ARHGEF9: variants seen among roughly 807,000 people sequenced by gnomAD.
The protein encoded by ARHGEF9 is rho guanine nucleotide exchange factor 9.
Under a neutral mutation model 41.3 loss-of-function variants are expected in ARHGEF9, and 2 were observed. That is an observed-to-expected ratio of 0.05 (90% CI 0.02 to 0.15). The LOEUF is 0.15. ARHGEF9 is among the 10% of genes least tolerant of loss of function. The probability of loss-of-function intolerance (pLI) is 1.00; values close to 1 mark genes in which losing one functional copy is unlikely to be tolerated. For missense variants in ARHGEF9, 225 were observed against 424.7 expected (o/e 0.53, Z 4.13); for synonymous variants, 160 against 154.4 (o/e 1.04, Z -0.27).
intron 1 of ARHGEF9, among the ~76,000 whole-genome samples, chrX:63,783,952 A>G (rs1265478437): frequency 1.8e-5 from 2 of 111,926 alleles, no homozygotes; most frequent in Non-Finnish European, 1.9e-5. Flanking sequence ...AACCACTGAA[A>G]CAGAGATCTA....
chrX:63,724,379 C>A (rs1367090083), intron 2 of ARHGEF9, among the ~76,000 whole-genome samples, 153 bp downstream of exon 2: 2 of 110,180 alleles, frequency 1.8e-5, no homozygotes, highest in Non-Finnish European at 3.8e-5. Flanking sequence ...AAAGGAAGCC[C>A]AGGTTCTCTG....
intron 8 of ARHGEF9, among the ~76,000 whole-genome samples, chrX:63,652,195 C>T (rs2048588857): frequency 9.0e-6 from 1 of 111,601 alleles, no homozygotes. Flanking sequence ...GCAGCAATAT[C>T]TGTAGTGGGA....
intron 1 of ARHGEF9, among the ~76,000 whole-genome samples, chrX:63,741,675 T>C (rs1476229446): frequency 4.4e-5 from 5 of 112,706 alleles, no homozygotes; most frequent in African/African-American, 1.3e-4. Flanking sequence ...ATGCCCCATA[T>C]GTATGTGGGT....
At chrX:63,716,175 CTA>C (rs2053282620) in intron 2 of ARHGEF9, 1 of 110,255 alleles carries the variant, frequency 9.1e-6, no homozygotes, top group Non-Finnish European at 1.9e-5. Context: ...GTAGTCCCAG[CTA>C]CTCAGGAGGC....
chrX:63,772,509 T>C lies in ARHGEF9; in HGVS notation c.30+12607A>G, dbSNP rs782591884. ...GCACACTGTGAGCATGTTAACTCACTTAATCCTCACAATAACAGTATGAAT... is the reference window on the plus strand; with the variant it reads ...GCACACTGTGAGCATGTTAACTCACCTAATCCTCACAATAACAGTATGAAT... On this transcript the variant is annotated intron_variant, in intron 1 of 9. Coordinates refer to ENST00000671741, the MANE Select transcript of ARHGEF9 (RefSeq NM_001353921.2). Among the ~76,000 whole-genome samples the C allele has an allele frequency of 1.0e-3, 117 of 112,164 alleles. 3 individuals are homozygous for C. The highest frequency in any genetic ancestry group is 9.2e-3 in the Middle Eastern group (2 of 217).
chrX:63,649,629 C>CA lies in ARHGEF9; in HGVS notation c.1322-5582dup, dbSNP rs1215124445. On this transcript the variant is annotated intron_variant, in intron 8 of 9. Transcript: ENST00000671741. ...GGAAATAGAGACACAAAAAACCCTT[C>CA]AAAAAATCAATGAATCCAGGAGCTG... Among the ~76,000 whole-genome samples the CA allele has an allele frequency of 2.7e-5, 3 of 110,978 alleles. No homozygotes were observed. The East Asian group carries it at 8.5e-4, about 32-fold the overall frequency.
At chrX:63,728,378 T>C in intron 1 of ARHGEF9, among the ~76,000 whole-genome samples, 1 of 112,172 alleles carries the variant, frequency 8.9e-6, no homozygotes. Flanking sequence ...AGTCCTTACC[T>C]GAAGAACAAA....
intron 2 of ARHGEF9, among the ~76,000 whole-genome samples, chrX:63,707,737 G>A (rs1349064308): frequency 1.8e-5 from 2 of 111,626 alleles, no homozygotes; most frequent in African/African-American, 6.5e-5. Flanking sequence ...CCTTTTAGTG[G>A]GTAATCACTC....
At position 63,636,529 on chromosome X, in the gene ARHGEF9, C is replaced by T. The variant is rs2047322850; in HGVS notation, c.*1499G>A. 1.4e-5 allele frequency: 2 copies of T among 144,299 alleles called. No homozygotes were observed. Among genetic ancestry groups the T allele is most frequent in the Admixed American group, 8.8e-5 (1 of 11,387 alleles). 11.9% of individuals were successfully genotyped at this position (144,299 alleles called of 1,213,427 possible). A position where few individuals can be genotyped will look rare whatever the true frequency, so the allele number is the denominator to read the frequency against. ...CCCTGGGCCCCTAACTCACTTGCCC[C>T]AAATGTCCTGGGATGAGAGGATGTT... On this transcript the variant is annotated 3_prime_UTR_variant, in exon 10 of 10. Transcript: ENST00000671741.
intron 4 of ARHGEF9, among the ~76,000 whole-genome samples, chrX:63,694,055 T>G (rs1399065110): frequency 4.5e-5 from 5 of 110,274 alleles, no homozygotes; most frequent in Non-Finnish European, 3.8e-5. Context: ...TAATGGCACA[T>G]GCCTGTAATC....
At chrX:63,771,323 T>C (rs1448485744) in intron 1 of ARHGEF9, among the ~76,000 whole-genome samples, 1 of 112,275 alleles carries the variant, frequency 8.9e-6, no homozygotes, top group Non-Finnish European at 1.9e-5. Flanking sequence ...TAAATTCATA[T>C]TATTTCATGC....
At chrX:63,653,461 A>G (rs2048681121) in intron 8 of ARHGEF9, among the ~76,000 whole-genome samples, 1 of 111,735 alleles carries the variant, frequency 8.9e-6, no homozygotes, top group African/African-American at 3.3e-5. Flanking sequence ...GTGGTATGAT[A>G]TATCTCCTAC....
intron 4 of ARHGEF9, among the ~76,000 whole-genome samples, chrX:63,683,571 G>C (rs1403841126): frequency 9.0e-6 from 1 of 111,510 alleles, no homozygotes; most frequent in Non-Finnish European, 1.9e-5. Context: ...AATAAATCTG[G>C]AGGCATCACA....
chrX:63,642,858 G>A (rs1367906345), intron 9 of ARHGEF9: 1 of 111,471 alleles, frequency 9.0e-6, no homozygotes, highest in Non-Finnish European at 1.9e-5. Flanking sequence ...CAGTAATTGA[G>A]GCAAGACAGA....
intron 1 of ARHGEF9, among the ~76,000 whole-genome samples, chrX:63,763,307 T>C (rs1400465201): frequency 8.9e-6 from 1 of 111,826 alleles, no homozygotes; most frequent in Non-Finnish European, 1.9e-5. Context: ...TTGTGATCTC[T>C]GATGGGTAGA....
chrX:63,738,843 C>T (rs1324166075), intron 1 of ARHGEF9, among the ~76,000 whole-genome samples: 1 of 111,685 alleles, frequency 9.0e-6, no homozygotes, highest in Non-Finnish European at 1.9e-5. Flanking sequence ...CACCACTCCA[C>T]TCAATGTGTC....
At chrX:63,784,918 G>C (rs1556464379) in intron 1 of ARHGEF9, among the ~76,000 whole-genome samples, 198 bp downstream of exon 1, 1 of 111,366 alleles carries the variant, frequency 9.0e-6, no homozygotes, top group African/African-American at 3.3e-5. Context: ...GGGGATGGTA[G>C]GGGGGTTTCC....
intron 8 of ARHGEF9, among the ~76,000 whole-genome samples, chrX:63,654,279 G>GACAC (rs2048747173): frequency 8.9e-6 from 1 of 111,849 alleles, no homozygotes; most frequent in Non-Finnish European, 1.9e-5. Context: ...TTGTGTGGGA[G>GACAC]ACATTGTGTT....
At chrX:63,705,357 ATGTGTGTGTGTGTGTGTGTGTGTGTG>A (rs58549005) in intron 3 of ARHGEF9, among the ~76,000 whole-genome samples, 1 of 82,096 alleles carries the variant, frequency 1.2e-5, no homozygotes, top group Non-Finnish European at 2.4e-5. Context: ...ATAAGAGAGA[ATGTGTGTGTGTGTGTGTGTGTGTGTG>A]TGTGTGTGTG....
Sources: gnomAD v4.1 joint callset for allele counts (sites outside exome capture counted in the v4.1 genomes callset) on GRCh38, gnomAD v4.1.1 for gene constraint, MANE v1.5 for transcripts, NCBI Gene and HGNC (gene_info 2026-07-23, HGNC 2026-07-21) for gene names.